Variants in ACSM2B observed in about 807,000 individuals in gnomAD.
ACSM2B encodes acyl-CoA synthetase medium chain family member 2B.
In ACSM2B, 58 loss-of-function variants were observed where a neutral mutation model predicts 78.6. That is an observed-to-expected ratio of 0.74 (90% CI 0.60 to 0.92). ACSM2B has a LOEUF of 0.92. Ranked by LOEUF, ACSM2B falls within the 40% of genes least tolerant of loss-of-function variation. The pLI, the probability that ACSM2B is intolerant of heterozygous loss-of-function variation, is 0.00. For missense variants in ACSM2B, 688 were observed against 711.2 expected (o/e 0.97, Z 0.37); for synonymous variants, 257 against 256.8 (o/e 1.00, Z -0.01).
chr16:20,546,248 C>T, intron 9 of ACSM2B, 146 bp downstream of exon 9: 4 of 1,408,180 alleles, frequency 2.8e-6, no homozygotes, highest in Non-Finnish European at 2.8e-6. Context: ...TCTCCTTCCC[C>T]CTAACCTCCC....
chr16:20,571,087 G>A (rs2016081923), intron 1 of ACSM2B, among the ~76,000 whole-genome samples: 1 of 151,450 alleles, frequency 6.6e-6, no homozygotes, highest in Admixed American at 6.6e-5. Flanking sequence ...CTCTGATCTT[G>A]GTTATTTCCT....
chr16:20,560,378 G>A (rs2015615656), intron 2 of ACSM2B, among the ~76,000 whole-genome samples: 1 of 151,896 alleles, frequency 6.6e-6, no homozygotes, highest in South Asian at 2.1e-4. Flanking sequence ...CATCCCCTTG[G>A]TGATAAATGA....
intron 4 of ACSM2B, among the ~76,000 whole-genome samples, chr16:20,554,654 G>T (rs766929646): frequency 2.0e-5 from 3 of 152,286 alleles, no homozygotes; most frequent in South Asian, 2.1e-4. Context: ...ACATGGAAAG[G>T]CCTCTGACCT....
At chr16:20,575,328 T>C (rs1363139964) in intron 1 of ACSM2B, 1 of 151,894 alleles carries the variant, frequency 6.6e-6, no homozygotes, top group African/African-American at 2.4e-5. Flanking sequence ...TATATAAGTA[T>C]ATATATGAGT....
At chr16:20,544,732 G>A (rs2015087037) in intron 10 of ACSM2B, 1 of 985,934 alleles carries the variant, frequency 1.0e-6, no homozygotes, top group Non-Finnish European at 1.2e-6. Context: ...TCTGAAGATA[G>A]GGATTCCTCC....
At chr16:20,548,765 A>G (rs28638242) in intron 6 of ACSM2B, among the ~76,000 whole-genome samples, 16,215 of 152,024 alleles carry the variant, frequency 0.11, 1,377 homozygotes, top group East Asian at 0.49. Context: ...ACTTGCCCTC[A>G]TTAACACACC....
Position 20,555,866 on chromosome 16 carries a change from T to A in ACSM2B, c.389-390A>T, listed in dbSNP as rs541617806. Among the ~76,000 whole-genome samples the A allele has an allele frequency of 4.6e-5, 7 of 152,254 alleles. No homozygotes were observed. The East Asian group carries it at 7.7e-4, about 17-fold the overall frequency. On this transcript the variant is annotated intron_variant, in intron 3 of 13. Transcript: ENST00000329697. ...GAAAGGCACTTGGAACTGTCCATGG[T>A]CTTGAAACACCAATAGCTCTAGGTC...
At chr16:20,550,093 C>T (rs2015261848) in intron 6 of ACSM2B, among the ~76,000 whole-genome samples, 1 of 151,980 alleles carries the variant, frequency 6.6e-6, no homozygotes. Flanking sequence ...TGGCCTGAAA[C>T]AGTCTCTCAG....
intron 2 of ACSM2B, among the ~76,000 whole-genome samples, chr16:20,561,192 T>C (rs2015644846): frequency 6.6e-6 from 1 of 152,174 alleles, no homozygotes; most frequent in South Asian, 2.1e-4. Context: ...AACCAAATAC[T>C]GTGTGATTTC....
intron 1 of ACSM2B, among the ~76,000 whole-genome samples, chr16:20,572,821 G>A (rs1302743119): frequency 6.6e-6 from 1 of 151,764 alleles, no homozygotes; most frequent in Non-Finnish European, 1.5e-5. Context: ...CAAAAATCTT[G>A]TCTTCAAGCT....
At chr16:20,551,267 G>A (rs150682554) in intron 6 of ACSM2B, among the ~76,000 whole-genome samples, 1 of 152,028 alleles carries the variant, frequency 6.6e-6, no homozygotes, top group Admixed American at 6.6e-5. Context: ...GGTGTTTACA[G>A]GGGTGTCTGA....
chr16:20,544,918 G>T, intron 10 of ACSM2B: 1 of 1,128,432 alleles, frequency 8.9e-7, no homozygotes, highest in Non-Finnish European at 1.1e-6. Context: ...TTCTTGAGGA[G>T]TCTAAGGGCT....
rs576087006 is a variant in ACSM2B at position 20,545,237 on chromosome 16, C to T, written c.1201G>A (p.Val401Ile). The change falls in exon 10 of 14, where the codon GTC becomes ATC. Residue 401 changes from valine to isoleucine, a missense_variant. Coordinates refer to ENST00000329697, the MANE Select transcript of ACSM2B (RefSeq NM_001105069.2). ...DVQVIDDKGN[V>I]LPPGTEGDIG... is the part of the protein sequence containing the mutation. ...TCTCCTTCTGTGCCGGGGGGCAGGACGTTGCCCTTATCATCTATAACCTGG... is the reference window on the plus strand; with the variant it reads ...TCTCCTTCTGTGCCGGGGGGCAGGATGTTGCCCTTATCATCTATAACCTGG... 5 of 1,613,794 alleles carry T rather than the reference C, an allele frequency of 3.1e-6. No individual in the cohort carries two copies. The highest frequency in any genetic ancestry group is 2.2e-5 in the East Asian group (1 of 44,860).
intron 4 of ACSM2B, chr16:20,554,180 G>T: frequency 1.6e-6 from 1 of 622,258 alleles, no homozygotes; most frequent in South Asian, 1.6e-5. Flanking sequence ...CTTTATATCT[G>T]CAAAAAAGTG....
Position 20,539,961 on chromosome 16 carries a change from C to G in ACSM2B, c.1629+693G>C, listed in dbSNP as rs570940649. On this transcript the variant is annotated intron_variant, in intron 13 of 13. Transcript: ENST00000329697. ...AATGAAAGCTTTCTTCACCCCAGGA[C>G]TTTTCAATTGCATGAGCAATAAATG... 8.5e-5 allele frequency among the ~76,000 whole-genome samples: 13 copies of G among 152,326 alleles called. No individual in the cohort carries two copies. In the South Asian group the frequency reaches 2.5e-3, roughly 29 times the overall value.
At chr16:20,562,954 AAC>A (rs1348296968) in intron 2 of ACSM2B, among the ~76,000 whole-genome samples, 1 of 152,138 alleles carries the variant, frequency 6.6e-6, no homozygotes, top group Non-Finnish European at 1.5e-5. Flanking sequence ...CTCACCCAGA[AAC>A]AAACTCAGCA....
At position 20,537,181 on chromosome 16, in the gene ACSM2B, T is replaced by C; in HGVS notation, c.*77A>G. 4 of 1,534,472 alleles carry C rather than the reference T, an allele frequency of 2.6e-6. 1 individual carries two copies. Among genetic ancestry groups the C allele is most frequent in the Non-Finnish European group, 3.6e-6 (4 of 1,115,552 alleles). Reference sequence around the variant, plus strand: ...TTCTTTCATAAAGAATCTCATATCATCATAGTAAGGCCAAGGGCCCAAAGG... The same window carrying C: ...TTCTTTCATAAAGAATCTCATATCACCATAGTAAGGCCAAGGGCCCAAAGG... On this transcript the variant is annotated 3_prime_UTR_variant, in exon 14 of 14. Coordinates refer to ENST00000329697, the MANE Select transcript of ACSM2B (RefSeq NM_001105069.2).
intron 4 of ACSM2B, chr16:20,554,319 C>T (rs1468518486): frequency 2.7e-5 from 10 of 368,712 alleles, no homozygotes; most frequent in Non-Finnish European, 1.5e-5. Flanking sequence ...ACCAAGTGGA[C>T]AGGAGGGGTG....
chr16:20,556,817 C>T (rs1186680976), intron 3 of ACSM2B, among the ~76,000 whole-genome samples: 2 of 152,104 alleles, frequency 1.3e-5, no homozygotes, highest in South Asian at 2.1e-4. Context: ...ACAGTAGACA[C>T]ATCTCTTCCT....
Sources: gnomAD v4.1 joint callset for allele counts (sites outside exome capture counted in the v4.1 genomes callset) on GRCh38, gnomAD v4.1.1 for gene constraint, MANE v1.5 for transcripts, NCBI Gene and HGNC (gene_info 2026-07-23, HGNC 2026-07-21) for gene names.